RABGEF1: variants seen among roughly 807,000 people sequenced by gnomAD.
RABGEF1 encodes the protein RAB guanine nucleotide exchange factor 1, also known as rab5 GDP/GTP exchange factor.
A neutral mutation model predicts 57.3 loss-of-function variants in RABGEF1; 26 were observed. That is an observed-to-expected ratio of 0.45 (90% CI 0.33 to 0.63). The LOEUF (loss-of-function observed/expected upper bound fraction) is 0.63. RABGEF1 is among the 20% of genes least tolerant of loss of function. The probability of loss-of-function intolerance (pLI) is 0.02; values close to 1 mark genes in which losing one functional copy is unlikely to be tolerated. For missense variants in RABGEF1, 464 were observed against 607.6 expected (o/e 0.76, Z 2.48); for synonymous variants, 185 against 210.7 (o/e 0.88, Z 1.06).
At chr7:66,735,801 C>G (rs1797882212), upstream of RABGEF1, among the ~76,000 whole-genome samples, 1 of 152,168 alleles carries the variant, frequency 6.6e-6, no homozygotes, top group African/African-American at 2.4e-5. Context: ...GTACAGCCTC[C>G]AGAAGCGTGA....
chr7:66,702,604 T>C (rs1347017320), intron 1 of RABGEF1, among the ~76,000 whole-genome samples: 1 of 152,176 alleles, frequency 6.6e-6, no homozygotes, highest in Non-Finnish European at 1.5e-5. Flanking sequence ...CAGCAACATA[T>C]GAGAACTCCG....
chr7:66,698,015 A>G (rs1792612715), intron 1 of RABGEF1, among the ~76,000 whole-genome samples: 1 of 152,016 alleles, frequency 6.6e-6, no homozygotes, highest in Admixed American at 6.6e-5. Flanking sequence ...GCTCCCAAAC[A>G]GCCAAGGAAC....
intron 2 of RABGEF1, among the ~76,000 whole-genome samples, chr7:66,715,622 T>A (rs564992532): frequency 1.3e-4 from 20 of 152,354 alleles, no homozygotes; most frequent in Admixed American, 3.9e-4. Context: ...TATTTTTTAG[T>A]GTTCTATTAT....
chr7:66,749,552 ACTT>A (rs1428801778), intron 1 of RABGEF1, among the ~76,000 whole-genome samples: 1 of 152,208 alleles, frequency 6.6e-6, no homozygotes, highest in Non-Finnish European at 1.5e-5. Context: ...AGTCCCAACT[ACTT>A]GGGAGGCTGA....
intron 1 of RABGEF1, among the ~76,000 whole-genome samples, chr7:66,704,854 G>A (rs892806643): frequency 6.6e-6 from 1 of 151,682 alleles, no homozygotes; most frequent in Non-Finnish European, 1.5e-5. Context: ...GTATCTTCAA[G>A]TAATATGCTA....
chr7:66,709,516 G>A (rs1488391132), intron 1 of RABGEF1, among the ~76,000 whole-genome samples: 1 of 152,062 alleles, frequency 6.6e-6, no homozygotes, highest in Non-Finnish European at 1.5e-5. Context: ...GAGGCTGGGC[G>A]CAGGGCTCAC....
At chr7:66,687,204 C>T (rs1232612431) in intron 1 of RABGEF1, among the ~76,000 whole-genome samples, 1 of 146,618 alleles carries the variant, frequency 6.8e-6, no homozygotes, top group East Asian at 2.1e-4. Context: ...TGGCTCACTG[C>T]AACCTCTGCC....
upstream of RABGEF1, among the ~76,000 whole-genome samples, chr7:66,736,483 A>C (rs1308662535): frequency 6.6e-6 from 1 of 152,208 alleles, no homozygotes. Flanking sequence ...AATGTGAGCA[A>C]GAGCACTAAG....
the RABGEF1 span, among the ~76,000 whole-genome samples, chr7:66,672,707 C>G: frequency 6.6e-6 from 1 of 152,024 alleles, no homozygotes; most frequent in Non-Finnish European, 1.5e-5. Context: ...GCCCAGGAGG[C>G]AGAAACTCTC....
At chr7:66,662,954 A>ATG in the RABGEF1 span, among the ~76,000 whole-genome samples, 2 of 152,112 alleles carry the variant, frequency 1.3e-5, no homozygotes, top group Admixed American at 1.3e-4. Context: ...GTGTGCAGGC[A>ATG]TGTGTGTGCA....
chr7:66,773,380 T>C (rs1583968429), intron 2 of RABGEF1, among the ~76,000 whole-genome samples: 1 of 152,210 alleles, frequency 6.6e-6, no homozygotes, highest in Admixed American at 6.5e-5. Flanking sequence ...ACTTCTTGTC[T>C]GTCCCAGAGA....
chr7:66,710,490 C>T (rs748401099), intron 1 of RABGEF1, among the ~76,000 whole-genome samples: 82 of 152,290 alleles, frequency 5.4e-4, no homozygotes, highest in Non-Finnish European at 9.6e-4. Context: ...TACCATTTTG[C>T]GCTCCCTCTA....
chr7:66,737,081 A>AGAGAGC (rs1270734141), upstream of RABGEF1, among the ~76,000 whole-genome samples: 18 of 130,650 alleles, frequency 1.4e-4, no homozygotes, highest in Non-Finnish European at 2.0e-4. Context: ...AGTGAGAGAG[A>AGAGAGC]GAGAGCGAGA....
the RABGEF1 span, among the ~76,000 whole-genome samples, chr7:66,671,817 CTTT>C: frequency 3.2e-5 from 4 of 125,504 alleles, no homozygotes; most frequent in Admixed American, 8.4e-5. Flanking sequence ...GTGAGACTGT[CTTT>C]TTTTTTTTTT....
rs774937207 is a variant in RABGEF1, at chr7:66,756,092, A to T, written c.-18+15300A>T. 2.1e-6 allele frequency: 3 copies of T among 1,420,668 alleles called. No homozygotes were observed. The South Asian group carries it at 4.3e-5, about 20-fold the overall frequency. The allele number at this position is 1,420,668 out of a possible 1,614,324, so 88.0% of individuals were successfully genotyped here. On this transcript the variant is annotated intron_variant, in intron 1 of 8. Transcript: ENST00000284957. ...ATACCATGAAGGTGAGTACTGAAAG[A>T]TATATAAGAAGAATATCTATAAATC...
At chr7:66,668,110 T>C in the RABGEF1 span, among the ~76,000 whole-genome samples, 2 of 151,558 alleles carry the variant, frequency 1.3e-5, no homozygotes, top group African/African-American at 4.9e-5. Flanking sequence ...ATTTTACTTA[T>C]TTTTAGAGAC....
chr7:66,731,132 G>T (rs1797265159), intron 2 of RABGEF1, among the ~76,000 whole-genome samples: 1 of 152,202 alleles, frequency 6.6e-6, no homozygotes, highest in Admixed American at 6.5e-5. Context: ...CCATGGCTGG[G>T]CCAGGTAAGG....
At chr7:66,802,758 T>A (rs1249355259) in intron 7 of RABGEF1, among the ~76,000 whole-genome samples, 1 of 152,242 alleles carries the variant, frequency 6.6e-6, no homozygotes, top group Non-Finnish European at 1.5e-5. Flanking sequence ...TTCTTTATTC[T>A]CCTTTTCCTT....
chr7:66,671,970 C>G, the RABGEF1 span, among the ~76,000 whole-genome samples: 14 of 151,928 alleles, frequency 9.2e-5, no homozygotes, highest in African/African-American at 2.9e-4. Context: ...GTGCACACCA[C>G]CACGCCTGGC....
Sources: gnomAD v4.1 joint callset for allele counts (sites outside exome capture counted in the v4.1 genomes callset) on GRCh38, gnomAD v4.1.1 for gene constraint, MANE v1.5 for transcripts, NCBI Gene and HGNC (gene_info 2026-07-23, HGNC 2026-07-21) for gene names.